The following PODNL1 variants were observed in gnomAD, a reference collection of about 807,000 sequenced individuals.
The protein encoded by PODNL1 is podocan-like protein 1.
In PODNL1, 50 loss-of-function variants were observed where a neutral mutation model predicts 45.1. The ratio of observed to expected loss-of-function variants is 1.11; its 90% CI spans 0.88 to 1.40. The LOEUF (loss-of-function observed/expected upper bound fraction) is 1.40. Ranked by LOEUF, PODNL1 falls within the 40% of genes most tolerant of loss-of-function variation. The pLI, the probability that PODNL1 is intolerant of heterozygous loss-of-function variation, is 0.00. For synonymous variants in PODNL1, 406 were observed against 372.5 expected (o/e 1.09, Z -1.04); for missense variants, 788 against 793.3 (o/e 0.99, Z 0.08).
At chr19:13,932,136 A>G (rs762411235) in intron 8 of PODNL1, 24 bp from the exon 9 acceptor site, 132 of 1,234,208 alleles carry the variant, frequency 1.1e-4, no homozygotes, top group Middle Eastern at 3.1e-4. Flanking sequence ...TATAGATGGC[A>G]TCGTGGCAGC....
At chr19:13,953,243 G>A in exon 1 of PODNL1, 1 of 1,106,120 alleles carries the variant, frequency 9.0e-7, no homozygotes, top group Non-Finnish European at 1.3e-6. Flanking sequence ...CCAGAGCTGG[G>A]GGATGATGTC....
chr19:13,932,630 A>T (rs1972024597), intron 8 of PODNL1, 168 bp downstream of exon 8: 2 of 1,517,086 alleles, frequency 1.3e-6, no homozygotes, highest in East Asian at 4.5e-5. Context: ...TGCTGGGATT[A>T]CAGGCATGAG....
chr19:13,933,107 G>A lies in PODNL1; in HGVS notation c.1116C>T (p.Val372=), dbSNP rs373736734. The part of the protein sequence containing the change: ...HVAALGARDL[V]ATPGLTELNL... ...TAAGCTCCGTCAGGCCCGGTGTGGC[G>A]ACCAGGTCACGGGCACCCAGCGCGG... Residue 372 remains valine, a synonymous_variant, in exon 8 of 10, where the codon GTC becomes GTT. Transcript: ENST00000588872. This position sits in a 1 kb window ranked among gnomAD's most constrained non-coding sequence, Gnocchi z 5.2. The A allele has an allele frequency of 2.7e-3, 4,067 of 1,529,170 alleles. 6 individuals are homozygous for A. Among genetic ancestry groups the A allele is most frequent in the Non-Finnish European group, 3.3e-3 (3,720 of 1,142,026 alleles). 94.7% of individuals were successfully genotyped at this position (1,529,170 alleles called of 1,614,324 possible).
At chr19:13,935,116 G>A (rs1291318945) in intron 5 of PODNL1, among the ~76,000 whole-genome samples, 1 of 151,836 alleles carries the variant, frequency 6.6e-6, no homozygotes, top group Non-Finnish European at 1.5e-5. Flanking sequence ...GTGGTTGTGT[G>A]TGCAGGTGTG....
At position 13,937,986 on chromosome 19, in the gene PODNL1, G is replaced by C. The variant is rs755558764; in HGVS notation, c.24C>G (p.Leu8=). 1.3e-6 allele frequency: 2 copies of C among 1,538,428 alleles called. No individual in the cohort carries two copies. Among genetic ancestry groups the C allele is most frequent in the South Asian group, 2.4e-5 (2 of 83,534 alleles). The change falls in exon 2 of 10, where the codon CTC becomes CTG. Residue 8 remains leucine, a synonymous_variant. Coordinates refer to ENST00000588872, the MANE Select transcript of PODNL1 (RefSeq NM_001370095.3). ...CGGGCGGGGGCCCCGGCAACAGCAG[G>C]AGCAGCAGCAGGCTCGGCCACTGCG... The part of the protein sequence containing the change: MWPSLLL[L]LLLPGPPPVA...
upstream of PODNL1, among the ~76,000 whole-genome samples, chr19:13,940,819 G>A (rs1043247733): frequency 1.3e-5 from 2 of 152,152 alleles, no homozygotes; most frequent in African/African-American, 4.8e-5. Context: ...GGGAGGCAGA[G>A]GTTGCAGTGA....
At chr19:13,946,486 A>T (rs1972819055) in intron 1 of PODNL1, among the ~76,000 whole-genome samples, 1 of 152,038 alleles carries the variant, frequency 6.6e-6, no homozygotes, top group Admixed American at 6.6e-5. Context: ...GATGACCTGT[A>T]AAAAGGAAGC....
upstream of PODNL1, among the ~76,000 whole-genome samples, chr19:13,941,239 G>T (rs1221111379): frequency 6.6e-6 from 1 of 151,462 alleles, no homozygotes; most frequent in Non-Finnish European, 1.5e-5. Context: ...GGTGGTGCAT[G>T]CCTGTAATCC....
At position 13,949,410 on chromosome 19, in the gene PODNL1, G is replaced by A. The variant is rs190453465; in HGVS notation, c.18+3709C>T. On this transcript the variant is annotated intron_variant, in intron 1 of 7. Transcript: ENST00000538371. ...TAATTTCAAACTCCTGGGCACAAGG[G>A]ATCCTCCCGACTCAGCCTCCCACGT... is the stretch of plus-strand genomic sequence containing the variant. 5.1e-3 allele frequency: 778 copies of A among 152,004 alleles called. 3 individuals are homozygous for A. The highest frequency in any genetic ancestry group is 8.3e-3 in the Non-Finnish European group (562 of 67,996). 9.4% of individuals were successfully genotyped at this position (152,004 alleles called of 1,614,324 possible). A position where few individuals can be genotyped will look rare whatever the true frequency, so the allele number is the denominator to read the frequency against.
intron 1 of PODNL1, among the ~76,000 whole-genome samples, chr19:13,951,709 C>T (rs1013049467): frequency 3.3e-5 from 5 of 152,076 alleles, no homozygotes; most frequent in Non-Finnish European, 7.4e-5. Flanking sequence ...GGGGTCGAGG[C>T]TGCAGTGAAC....
In PODNL1 at chr19:13,933,852, C is replaced by G. The variant is rs762691174; in HGVS notation, c.767+26G>C. ...GACCCCCGACTGTAAATTCTCAGCC[C>G]CTGCTGCCCCCCAACCAGCCTGTAC... On this transcript the variant is annotated intron_variant, in intron 7 of 9. Coordinates refer to ENST00000588872, the MANE Select transcript of PODNL1 (RefSeq NM_001370095.3). The surrounding 1 kb of genome is among the most constrained non-coding windows in gnomAD (Gnocchi z 5.2). The G allele has an allele frequency of 1.5e-5, 24 of 1,563,208 alleles. No individual in the cohort carries two copies. In the South Asian group the frequency reaches 2.6e-4, roughly 17 times the overall value.
At chr19:13,934,526 T>G (rs56801401) in intron 5 of PODNL1, 116 bp from the exon 6 acceptor site, 2 of 898,852 alleles carry the variant, frequency 2.2e-6, no homozygotes, top group African/African-American at 3.6e-5. Flanking sequence ...TGTGTGTGTG[T>G]GCGCGCGCAT....
intron 1 of PODNL1, among the ~76,000 whole-genome samples, chr19:13,945,886 T>TAAAA (rs113155307): frequency 7.2e-6 from 1 of 138,938 alleles, no homozygotes; most frequent in Admixed American, 7.2e-5. Context: ...GAGACTCCAT[T>TAAAA]AAAAAAAAAA....
At chr19:13,941,410 T>C (rs1310405391), upstream of PODNL1, among the ~76,000 whole-genome samples, 1 of 141,724 alleles carries the variant, frequency 7.1e-6, no homozygotes, top group South Asian at 2.3e-4. Context: ...AGCTTGGGAG[T>C]GGCCAAGGCC....
intron 8 of PODNL1, chr19:13,932,519 G>A: frequency 2.6e-6 from 2 of 761,792 alleles, no homozygotes; most frequent in Non-Finnish European, 4.1e-6. Flanking sequence ...GTGCCACCAC[G>A]CTTGGCTATG....
chr19:13,943,571 C>T (rs1305011896), intron 1 of PODNL1, among the ~76,000 whole-genome samples: 1 of 152,096 alleles, frequency 6.6e-6, no homozygotes, highest in Non-Finnish European at 1.5e-5. Context: ...AGGCCATTCT[C>T]CTGCCTCAGC....
In PODNL1 at chr19:13,933,289, G is replaced by T. The variant is rs750035660; in HGVS notation, c.934C>A (p.Gln312Lys). ...CCTGAGCTCCCCAGCTGGTTGTGCTGCAGCAACAAATAGCGCAGACCACGC... is the reference window on the plus strand; with the variant it reads ...CCTGAGCTCCCCAGCTGGTTGTGCTTCAGCAACAAATAGCGCAGACCACGC... ...GARGLRYLLLQHNQLGSSGLP... is the reference protein window; with the variant it reads ...GARGLRYLLLKHNQLGSSGLP... Residue 312 changes from glutamine (Q) to lysine (K), a missense_variant, in exon 8 of 10, where the codon CAG (glutamine) becomes AAG (lysine). Gln to Lys is a moderately conservative substitution (Grantham distance 53). Coordinates refer to ENST00000588872, the MANE Select transcript of PODNL1 (RefSeq NM_001370095.3). This position sits in a 1 kb window ranked among gnomAD's most constrained non-coding sequence, Gnocchi z 5.2. 5 of 1,578,258 alleles carry T rather than the reference G, an allele frequency of 3.2e-6. No individual in the cohort carries two copies. The highest frequency in any genetic ancestry group is 1.7e-6 in the Non-Finnish European group (2 of 1,167,230).
rs1323622247 is a variant in PODNL1, at chr19:13,931,742, G to A, written c.1720C>T (p.Pro574Ser). ...TTPRGPRAGG[P>S] ...TCTGCTGGGCCTCTCTAGGATCAGG[G>A]GCCCCCTGCCCGTGGCCCACGTGGG... is the stretch of plus-strand genomic sequence containing the variant. Residue 574 changes from proline to serine, a missense_variant, in exon 10 of 10, where the codon CCC (proline) becomes TCC (serine). Around this residue, in one of 3 missense-constraint regions of PODNL1, gnomAD observed 17 missense variants for 16.7 expected, o/e 1.02. Coordinates refer to ENST00000588872, the MANE Select transcript of PODNL1 (RefSeq NM_001370095.3). 1.6e-6 allele frequency: 2 copies of A among 1,231,894 alleles called. No individual in the cohort carries two copies. Among genetic ancestry groups the A allele is most frequent in the Non-Finnish European group, 2.0e-6 (2 of 987,958 alleles). 76.3% of individuals were successfully genotyped at this position (1,231,894 alleles called of 1,614,324 possible). A position where few individuals can be genotyped will look rare whatever the true frequency, so the allele number is the denominator to read the frequency against.
chr19:13,944,838 C>T (rs924867491), intron 1 of PODNL1, among the ~76,000 whole-genome samples: 7 of 151,694 alleles, frequency 4.6e-5, no homozygotes, highest in Non-Finnish European at 8.8e-5. Flanking sequence ...TCCAGTGGCA[C>T]GATCTCGGCT....
Sources: gnomAD v4.1 joint callset for allele counts (sites outside exome capture counted in the v4.1 genomes callset) on GRCh38, gnomAD v4.1.1 for gene constraint, gnomAD v4.1.1 regional missense constraint, Gnocchi (gnomAD v3.1) non-coding constraint, MANE v1.5 for transcripts, NCBI Gene and HGNC (gene_info 2026-07-23, HGNC 2026-07-21) for gene names.